The following CNOT10 variants were observed in gnomAD, a reference collection of about 807,000 sequenced individuals.
CNOT10 encodes the protein CCR4-NOT transcription complex, subunit 10.
Under a neutral mutation model 94.6 loss-of-function variants are expected in CNOT10, and 30 were observed. The observed-to-expected ratio is 0.32, with a 90% CI of 0.24 to 0.43. The LOEUF is 0.43. Among genes scored for constraint, CNOT10 ranks in the 20% least tolerant of loss-of-function variants. CNOT10 has a pLI of 1.00. For missense variants in CNOT10, 759 were observed against 877.2 expected (o/e 0.87, Z 1.70); for synonymous variants, 289 against 301.6 (o/e 0.96, Z 0.43).
chr3:32,770,016 T>C (rs996414780), intron 18 of CNOT10, 54 bp downstream of exon 18: 3 of 1,451,760 alleles, frequency 2.1e-6, no homozygotes, highest in Non-Finnish European at 2.9e-6. Context: ...CTGAGATTTT[T>C]TGGTTGGGAG....
chr3:32,759,130 A>AGTGTGT (rs10601347), intron 13 of CNOT10, among the ~76,000 whole-genome samples: 25 of 149,636 alleles, frequency 1.7e-4, no homozygotes, highest in African/African-American at 4.7e-4. Context: ...ATATATATAT[A>AGTGTGT]GTGTGTGTGT....
chr3:32,700,444 T>C (rs1697288388), intron 1 of CNOT10, among the ~76,000 whole-genome samples: 1 of 152,234 alleles, frequency 6.6e-6, no homozygotes, highest in African/African-American at 2.4e-5. Flanking sequence ...AGTTTTAGTC[T>C]TATTTCAATT....
chr3:32,767,932 G>A (rs1219288506), intron 17 of CNOT10, among the ~76,000 whole-genome samples: 5 of 152,130 alleles, frequency 3.3e-5, no homozygotes, highest in African/African-American at 9.7e-5. Context: ...CTGCTGCCAC[G>A]CTGGGAGAGA....
intron 18 of CNOT10, among the ~76,000 whole-genome samples, chr3:32,772,760 CT>C (rs533942809): frequency 6.6e-6 from 1 of 151,986 alleles, no homozygotes; most frequent in South Asian, 2.1e-4. Flanking sequence ...ACAAGGCTCC[CT>C]TTTTTTTAAT....
intron 14 of CNOT10, among the ~76,000 whole-genome samples, chr3:32,760,871 G>GT (rs1313247641): frequency 6.6e-6 from 1 of 151,664 alleles, no homozygotes; most frequent in Non-Finnish European, 1.5e-5. Flanking sequence ...GCTCACACCT[G>GT]TAATCCCAGC....
At chr3:32,694,839 T>G (rs931577079) in intron 1 of CNOT10, among the ~76,000 whole-genome samples, 1 of 152,148 alleles carries the variant, frequency 6.6e-6, no homozygotes, top group East Asian at 1.9e-4. Flanking sequence ...TCTGCCTGCC[T>G]TGGCCTCCCA....
Position 32,734,912 on chromosome 3 carries a change from G to A in CNOT10, c.1450G>A (p.Gly484Arg). ...EEQQDPKQEN[G>R]AKNSNQLGGN... is the part of the protein sequence containing the mutation. ...ACAGCAAGATCCAAAGCAGGAAAATGGGGCTAAAAATAGTAATCAATTAGG... is the reference window on the plus strand; with the variant it reads ...ACAGCAAGATCCAAAGCAGGAAAATAGGGCTAAAAATAGTAATCAATTAGG... The change falls in exon 12 of 19, where the codon GGG becomes AGG. Residue 484 changes from glycine (G) to arginine (R), a missense_variant. Physicochemically the swap from Gly to Arg is moderately radical, Grantham distance 125 (BLOSUM62 -2). Coordinates refer to ENST00000328834, the MANE Select transcript of CNOT10 (RefSeq NM_015442.3). The A allele has an allele frequency of 6.2e-7, 1 of 1,614,086 alleles. No individual in the cohort carries two copies. The highest frequency in any genetic ancestry group is 8.5e-7 in the Non-Finnish European group (1 of 1,179,976).
At chr3:32,742,581 C>T (rs1232052766) in intron 13 of CNOT10, among the ~76,000 whole-genome samples, 1 of 152,088 alleles carries the variant, frequency 6.6e-6, no homozygotes, top group Non-Finnish European at 1.5e-5. Flanking sequence ...GGGGTGTCAC[C>T]ATGTTGGTCA....
chr3:32,691,226 A>G (rs973933001), intron 1 of CNOT10, among the ~76,000 whole-genome samples: 13 of 148,260 alleles, frequency 8.8e-5, no homozygotes, highest in South Asian at 4.2e-4. Flanking sequence ...CAGTGGTGCA[A>G]TCTCGGCTCA....
At chr3:32,731,787 T>A (rs1698966380) in intron 10 of CNOT10, among the ~76,000 whole-genome samples, 1 of 152,152 alleles carries the variant, frequency 6.6e-6, no homozygotes, top group Non-Finnish European at 1.5e-5. Context: ...TAGTTTTATT[T>A]TTTAGATTTG....
At chr3:32,735,108 G>T in intron 12 of CNOT10, 132 bp downstream of exon 12, 1 of 749,464 alleles carries the variant, frequency 1.3e-6, no homozygotes. Flanking sequence ...AACAAGAAAG[G>T]AAAGTATTTA....
Position 32,743,140 on chromosome 3 carries a change from C to T in CNOT10, c.1595+5650C>T, listed in dbSNP as rs143418040. ...AGCTGGAATTACAGGCATACGCCAC[C>T]ATGCCCAGCTAATTTTTTATATTTT... On this transcript the variant is annotated intron_variant, in intron 13 of 18. Transcript: ENST00000328834. Among the ~76,000 whole-genome samples the T allele has an allele frequency of 3.7e-3, 561 of 152,038 alleles. 4 individuals are homozygous for T. Among genetic ancestry groups the T allele is most frequent in the African/African-American group, 0.013 (544 of 41,504 alleles).
intron 6 of CNOT10, 141 bp from the exon 7 acceptor site, chr3:32,717,013 A>G (rs888987343): frequency 1.3e-5 from 7 of 540,566 alleles, no homozygotes; most frequent in Non-Finnish European, 2.3e-5. Context: ...TGAAAATAGC[A>G]TATTTTCTAA....
At chr3:32,735,382 T>A (rs1699143168) in intron 12 of CNOT10, among the ~76,000 whole-genome samples, 1 of 151,458 alleles carries the variant, frequency 6.6e-6, no homozygotes, top group Non-Finnish European at 1.5e-5. Flanking sequence ...ACAAGAGGGA[T>A]ATTTGTAAGA....
intron 17 of CNOT10, among the ~76,000 whole-genome samples, chr3:32,766,221 C>T (rs1257108078): frequency 4.3e-5 from 2 of 46,906 alleles, no homozygotes; most frequent in Non-Finnish European, 9.4e-5. Flanking sequence ...AGGCTGGTCT[C>T]GAACTCCTGG....
chr3:32,716,020 T>A (rs1158652377), intron 5 of CNOT10: 1 of 404,820 alleles, frequency 2.5e-6, no homozygotes, highest in Non-Finnish European at 4.5e-6. Context: ...TTACTCAAGC[T>A]GGTCTCGAAC....
intron 4 of CNOT10, among the ~76,000 whole-genome samples, chr3:32,711,208 A>C (rs1006068008): frequency 6.6e-6 from 1 of 152,130 alleles, no homozygotes; most frequent in African/African-American, 2.4e-5. Context: ...TATTCAAGGG[A>C]GATTGGTTCT....
intron 8 of CNOT10, among the ~76,000 whole-genome samples, chr3:32,724,140 A>G (rs1698543558): frequency 6.6e-6 from 1 of 152,158 alleles, no homozygotes; most frequent in African/African-American, 2.4e-5. Flanking sequence ...GAAAAATACA[A>G]ATTCCCAAAC....
chr3:32,731,837 G>A (rs958879540), intron 10 of CNOT10, among the ~76,000 whole-genome samples: 5 of 152,036 alleles, frequency 3.3e-5, no homozygotes, highest in Admixed American at 3.3e-4. Flanking sequence ...CCAGCACTTC[G>A]GGAGGCTGAG....
Sources: allele counts gnomAD v4.1 joint callset (sites outside exome capture counted in the v4.1 genomes callset), GRCh38; gene constraint gnomAD v4.1.1; transcripts MANE v1.5; gene names NCBI Gene and HGNC (gene_info 2026-07-23, HGNC 2026-07-21).